Variants in FER observed in about 807,000 individuals in gnomAD.
FER encodes FER tyrosine kinase, also known as tyrosine-protein kinase Fer.
Under a neutral mutation model 111.0 loss-of-function variants are expected in FER, and 63 were observed. The observed-to-expected ratio is 0.57, with a 90% CI of 0.46 to 0.70. The LOEUF (loss-of-function observed/expected upper bound fraction) is 0.70. Among genes scored for constraint, FER ranks in the 30% least tolerant of loss-of-function variants. FER has a pLI of 0.00. For missense variants in FER, 914 were observed against 954.0 expected (o/e 0.96, Z 0.55); for synonymous variants, 327 against 313.9 (o/e 1.04, Z -0.44).
At position 108,948,051 on chromosome 5, in the gene FER, A is replaced by G. The variant is rs186377076; in HGVS notation, c.1329+1829A>G. Among the ~76,000 whole-genome samples, 869 of 152,238 alleles carry G rather than the reference A, an allele frequency of 5.7e-3. 9 individuals are homozygous for G. The highest frequency in any genetic ancestry group is 0.019 in the African/African-American group (801 of 41,570). Reference sequence around the variant, plus strand: ...TTAAAATCTTTAAAATGCAACAACTATGAATCACTGTTTATGCAAATAAAC... The same window carrying G: ...TTAAAATCTTTAAAATGCAACAACTGTGAATCACTGTTTATGCAAATAAAC... On this transcript the variant is annotated intron_variant, in intron 11 of 19. Coordinates refer to ENST00000281092, the MANE Select transcript of FER (RefSeq NM_005246.4).
At chr5:108,805,454 G>C (rs765717919) in intron 3 of FER, among the ~76,000 whole-genome samples, 1 of 152,202 alleles carries the variant, frequency 6.6e-6, no homozygotes, top group Non-Finnish European at 1.5e-5. Context: ...TGAAAATGTG[G>C]TAATGACTTT....
chr5:109,165,593 G>GGTGTGTGTGT (rs66749153), intron 17 of FER, among the ~76,000 whole-genome samples: 134 of 142,344 alleles, frequency 9.4e-4, no homozygotes, highest in East Asian at 3.2e-3. Context: ...GGAGGGAACT[G>GGTGTGTGTGT]GTGTGTGTGT....
intron 5 of FER, among the ~76,000 whole-genome samples, chr5:108,847,842 A>G (rs1330908190): frequency 6.6e-6 from 1 of 151,406 alleles, no homozygotes; most frequent in East Asian, 1.9e-4. Flanking sequence ...CTTTCTTTTG[A>G]TTAGTGTTTA....
intron 10 of FER, among the ~76,000 whole-genome samples, chr5:108,912,144 G>A (rs1486618101): frequency 6.6e-6 from 1 of 152,108 alleles, no homozygotes; most frequent in Non-Finnish European, 1.5e-5. Flanking sequence ...TTGGAACTGT[G>A]AGTAAAGCCT....
rs1554084619 is a variant in FER, at chr5:108,879,701, A to ATATATATATATATATATATATATATATAT, written c.924-3695_924-3694insTATATATATATATATATATATATATATAT. Among the ~76,000 whole-genome samples, 149 of 98,928 alleles carry ATATATATATATATATATATATATATATAT rather than the reference A, an allele frequency of 1.5e-3. 1 individual carries two copies. The highest frequency in any genetic ancestry group is 1.9e-3 in the Non-Finnish European group (98 of 50,394). The allele number at this position is 98,928 out of a possible 152,430, so 64.9% of individuals were successfully genotyped here. ...ATGTATTTTTTTTAGATTAAAAAAAAATATATATATATATATATATATATT... is the reference window on the plus strand; with the variant it reads ...ATGTATTTTTTTTAGATTAAAAAAAATATATATATATATATATATATATATATATATATATATATATATATATATATATT... On this transcript the variant is annotated intron_variant, in intron 8 of 19. Transcript: ENST00000281092.
intron 13 of FER, among the ~76,000 whole-genome samples, chr5:109,026,838 G>A (rs1021154327): frequency 2.0e-5 from 3 of 151,824 alleles, no homozygotes; most frequent in African/African-American, 7.3e-5. Context: ...GCCACCATGC[G>A]TGGCTAATTT....
At chr5:109,021,863 A>G (rs73780404) in intron 13 of FER, among the ~76,000 whole-genome samples, 7,887 of 152,164 alleles carry the variant, frequency 0.052, 274 homozygotes, top group South Asian at 0.11. Flanking sequence ...AAATCCAAAA[A>G]ATACCTACCG....
chr5:108,807,061 A>C (rs1184170899), intron 3 of FER, among the ~76,000 whole-genome samples: 5 of 152,116 alleles, frequency 3.3e-5, no homozygotes, highest in South Asian at 2.1e-4. Flanking sequence ...GAGGTGACTG[A>C]ATTATGGAGG....
chr5:108,788,625 C>T (rs899414685), intron 2 of FER, among the ~76,000 whole-genome samples: 3 of 151,884 alleles, frequency 2.0e-5, no homozygotes, highest in African/African-American at 7.3e-5. Flanking sequence ...GTTGGTTTCT[C>T]CTCCTTTCAG....
intron 2 of FER, among the ~76,000 whole-genome samples, chr5:108,789,605 C>T (rs1309224591): frequency 6.6e-6 from 1 of 150,468 alleles, no homozygotes. Flanking sequence ...TTTTCTTTTT[C>T]TTCTTCTTCT....
chr5:108,750,082 C>G (rs1298923163), intron 1 of FER, among the ~76,000 whole-genome samples: 2 of 152,150 alleles, frequency 1.3e-5, no homozygotes, highest in African/African-American at 4.8e-5. Flanking sequence ...ATCACTTTGA[C>G]ATAAACTGCT....
At chr5:108,990,310 T>G (rs1376631596) in intron 13 of FER, among the ~76,000 whole-genome samples, 1 of 151,888 alleles carries the variant, frequency 6.6e-6, no homozygotes, top group Non-Finnish European at 1.5e-5. Flanking sequence ...TTAATCAAAC[T>G]TTAAAAAATA....
At chr5:109,074,131 A>G (rs1324344492) in intron 16 of FER, among the ~76,000 whole-genome samples, 1 of 152,226 alleles carries the variant, frequency 6.6e-6, no homozygotes, top group East Asian at 1.9e-4. Context: ...TGCTTTGTGC[A>G]AAACACTGTT....
intron 7 of FER, 124 bp from the exon 8 acceptor site, chr5:108,871,969 C>G (rs1156822545): frequency 1.0e-6 from 1 of 967,424 alleles, no homozygotes; most frequent in African/African-American, 1.7e-5. Context: ...TTGATTTATA[C>G]TATTTGTGTT....
intron 17 of FER, among the ~76,000 whole-genome samples, chr5:109,128,541 C>T (rs1032061930): frequency 5.3e-5 from 8 of 152,114 alleles, no homozygotes; most frequent in Admixed American, 3.3e-4. Context: ...GACAGCTTGT[C>T]ATCATTCTGG....
intron 10 of FER, chr5:108,924,628 C>T (rs1237939602): frequency 4.9e-6 from 6 of 1,231,550 alleles, no homozygotes; most frequent in Non-Finnish European, 6.1e-6. Context: ...CTTCCTTGGG[C>T]CCACTGTCAC....
At chr5:109,019,030 A>G (rs1266585276) in intron 13 of FER, among the ~76,000 whole-genome samples, 2 of 151,436 alleles carry the variant, frequency 1.3e-5, no homozygotes, top group East Asian at 3.9e-4. Flanking sequence ...TAATATCCTA[A>G]TAATTCAAAA....
chr5:108,956,186 A>T (rs533161396), intron 12 of FER, among the ~76,000 whole-genome samples: 12 of 151,154 alleles, frequency 7.9e-5, no homozygotes, highest in Admixed American at 7.9e-4. Context: ...TCCTTGGCAA[A>T]CTCTTTTGTA....
chr5:109,040,938 A>G (rs950423726), intron 14 of FER, among the ~76,000 whole-genome samples: 30 of 152,156 alleles, frequency 2.0e-4, no homozygotes, highest in African/African-American at 7.2e-4. Flanking sequence ...AGGTGGGTCA[A>G]TATAGGGACA....
Sources: gnomAD v4.1 joint callset for allele counts (sites outside exome capture counted in the v4.1 genomes callset) on GRCh38, gnomAD v4.1.1 for gene constraint, MANE v1.5 for transcripts, NCBI Gene and HGNC (gene_info 2026-07-23, HGNC 2026-07-21) for gene names.